The following SLC22A24 variants were observed in gnomAD, a reference collection of about 807,000 sequenced individuals.
SLC22A24 encodes the protein solute carrier family 22 member 24.
SLC22A24 carries 53 observed loss-of-function variants against 49.8 expected under a neutral mutation model. The observed-to-expected ratio is 1.06, with a 90% CI of 0.85 to 1.34. The LOEUF (loss-of-function observed/expected upper bound fraction) is 1.34. Among genes scored for constraint, SLC22A24 ranks in the 40% most tolerant of loss-of-function variants. SLC22A24 has a pLI of 0.00. For missense variants in SLC22A24, 786 were observed against 675.9 expected, an observed-to-expected ratio of 1.16 and a Z score of -1.81; for synonymous variants, 302 against 256.4, an observed-to-expected ratio of 1.18 and a Z score of -1.70.
intron 4 of SLC22A24, among the ~76,000 whole-genome samples, chr11:63,112,794 A>C (rs1447421516): frequency 6.6e-6 from 1 of 151,556 alleles, no homozygotes; most frequent in Non-Finnish European, 1.5e-5. Context: ...CAGGTGGATC[A>C]CGAGGTCAGG....
At chr11:63,099,625 AG>A (rs369468570) in intron 5 of SLC22A24, among the ~76,000 whole-genome samples, 247 of 152,192 alleles carry the variant, frequency 1.6e-3, no homozygotes, top group African/African-American at 5.3e-3. Context: ...CAGATAAAAA[AG>A]AAAACTACAG....
At chr11:63,125,962 A>G (rs1169464684) in intron 2 of SLC22A24, among the ~76,000 whole-genome samples, 2 of 152,160 alleles carry the variant, frequency 1.3e-5, no homozygotes, top group African/African-American at 4.8e-5. Context: ...TCTTCTTTTG[A>G]GAAGTGTCTG....
In SLC22A24 at chr11:63,098,783, T is replaced by A. The variant is rs531538084; in HGVS notation, c.955-2677A>T. On this transcript the variant is annotated intron_variant, in intron 5 of 9. Coordinates refer to ENST00000612278, the MANE Select transcript of SLC22A24 (RefSeq NM_001136506.2). ...CCCAAAATAGTAGAAGTAACAAAGATCAGAGGAGAAAGAAATGAAATTGAG... is the reference window on the plus strand; with the variant it reads ...CCCAAAATAGTAGAAGTAACAAAGAACAGAGGAGAAAGAAATGAAATTGAG... 5.3e-5 allele frequency among the ~76,000 whole-genome samples: 8 copies of A among 151,230 alleles called. No homozygotes were observed. In the East Asian group the frequency reaches 1.6e-3, roughly 29 times the overall value.
At chr11:63,138,871 C>T (rs985750077) in intron 1 of SLC22A24, among the ~76,000 whole-genome samples, 4 of 151,894 alleles carry the variant, frequency 2.6e-5, no homozygotes, top group African/African-American at 9.7e-5. Flanking sequence ...TTTTGATTTC[C>T]TCTGTTGAAT....
intron 5 of SLC22A24, 85 bp from the exon 6 acceptor site, chr11:63,096,191 A>T (rs1590732216): frequency 3.5e-6 from 3 of 847,580 alleles, no homozygotes; most frequent in Non-Finnish European, 5.7e-6. Flanking sequence ...AACAAGATAG[A>T]CATATTGTAA....
chr11:63,135,958 C>T (rs1020161050), intron 1 of SLC22A24, among the ~76,000 whole-genome samples: 8 of 152,222 alleles, frequency 5.3e-5, no homozygotes, highest in East Asian at 1.9e-4. Context: ...CTTACAACTA[C>T]GCAAGAAGTT....
chr11:63,134,680 C>G lies in SLC22A24; in HGVS notation c.491G>C (p.Gly164Ala). Residue 164 changes from glycine to alanine, a missense_variant, in exon 2 of 10, where the codon GGC (glycine) becomes GCC (alanine). By Grantham distance (60) the Gly-to-Ala change is moderately conservative. Transcript: ENST00000612278. Reference sequence around the variant, plus strand: ...TGACACTCACCTGTCTGAAAGATGGCCATATATTAGACCTCCCAGAAGTGA... The same window carrying G: ...TGACACTCACCTGTCTGAAAGATGGGCATATATTAGACCTCCCAGAAGTGA... ...AGSLLGGLIY[G>A]HLSDRVGRKI... 6.5e-7 allele frequency: 1 copy of G among 1,545,622 alleles called. No homozygotes were observed. Among genetic ancestry groups the G allele is most frequent in the African/African-American group, 1.4e-5 (1 of 73,092 alleles).
chr11:63,119,316 A>G lies in SLC22A24; in HGVS notation c.526T>C (p.Cys176Arg), dbSNP rs781734003. 1 of 1,546,814 alleles carries G rather than the reference A, an allele frequency of 6.5e-7. No homozygotes were observed. The highest frequency in any genetic ancestry group is 1.4e-5 in the African/African-American group (1 of 72,888). ...LSDRVGRKII[C>R]KLCFLQLAIS... ...GCCAGCTGGAGGAAACACAATTTGC[A>G]TATGATCTTCCGTCCAACCCTAAGA... The change falls in exon 3 of 10, where the codon TGC becomes CGC. Residue 176 changes from cysteine to arginine, a missense_variant. Transcript: ENST00000612278.
chr11:63,107,985 T>C (rs1448974486), intron 4 of SLC22A24, among the ~76,000 whole-genome samples: 1 of 152,114 alleles, frequency 6.6e-6, no homozygotes, highest in Non-Finnish European at 1.5e-5. Flanking sequence ...ATAGGAGTGG[T>C]GAGAGAGGGC....
At position 63,143,636 on chromosome 11, in the gene SLC22A24, G is replaced by A. The variant is rs892796146; in HGVS notation, c.144C>T (p.Arg48=). The A allele has an allele frequency of 1.3e-6, 2 of 1,597,058 alleles. No individual in the cohort carries two copies. Among genetic ancestry groups the A allele is most frequent in the Non-Finnish European group, 1.7e-6 (2 of 1,172,170 alleles). Residue 48 remains arginine (R), a synonymous_variant, in exon 1 of 10, where the codon CGC becomes CGT. Coordinates refer to ENST00000612278, the MANE Select transcript of SLC22A24 (RefSeq NM_001136506.2). ...CATTGTCCAGGAGGGGGACCCAGCA[G>A]CGATGACTAGGGGTGAATGCAGTGA... ...ENFTAFTPSH[R]CWVPLLDNDT...
chr11:63,125,703 C>T (rs2087285561), intron 2 of SLC22A24, among the ~76,000 whole-genome samples: 1 of 152,148 alleles, frequency 6.6e-6, no homozygotes, highest in Non-Finnish European at 1.5e-5. Flanking sequence ...AATAATATTT[C>T]TGGTTCTAGA....
intron 2 of SLC22A24, among the ~76,000 whole-genome samples, chr11:63,122,514 C>T (rs1424045750): frequency 6.6e-6 from 1 of 152,158 alleles, no homozygotes; most frequent in African/African-American, 2.4e-5. Flanking sequence ...TGCATTTAAA[C>T]ATTTATTTAT....
chr11:63,115,320 A>T (rs2087204488), intron 4 of SLC22A24, among the ~76,000 whole-genome samples: 1 of 152,294 alleles, frequency 6.6e-6, no homozygotes, highest in African/African-American at 2.4e-5. Context: ...TCGATCTCAG[A>T]CTGCTGTGCT....
Position 63,083,243 on chromosome 11 carries a change from C to G in SLC22A24, c.1285G>C (p.Glu429Gln). ...FILVNTFLPQ[E>Q]MQILRVVLAT... The stretch of plus-strand genomic sequence containing the variant: ...TTCCTGAAACTCCTGTCTCTCTCAC[C>G]TTGGGGCAAAAAGGTGTTGACCAGA... Residue 429 changes from glutamate to glutamine, a missense_variant and splice_region_variant, in exon 7 of 10, where the codon GAA becomes CAA. Physicochemically the swap from Glu to Gln is conservative, Grantham distance 29 (BLOSUM62 2). Coordinates refer to ENST00000612278, the MANE Select transcript of SLC22A24 (RefSeq NM_001136506.2). 6.4e-7 allele frequency: 1 copy of G among 1,552,972 alleles called. No individual in the cohort carries two copies. The highest frequency in any genetic ancestry group is 2.4e-5 in the East Asian group (1 of 41,324).
chr11:63,108,446 T>A (rs2087137371), intron 4 of SLC22A24, among the ~76,000 whole-genome samples: 1 of 152,334 alleles, frequency 6.6e-6, no homozygotes, highest in South Asian at 2.1e-4. Context: ...GCTGGCCACA[T>A]GAAATGAGTT....
At chr11:63,089,351 T>A (rs1390471714) in intron 6 of SLC22A24, among the ~76,000 whole-genome samples, 1 of 152,126 alleles carries the variant, frequency 6.6e-6, no homozygotes, top group Admixed American at 6.6e-5. Context: ...ACAAAACCCT[T>A]TCCAGACAAG....
At position 63,091,793 on chromosome 11, in the gene SLC22A24, C is replaced by T. The variant is rs551255108; in HGVS notation, c.1070+4198G>A. ...AGAGCTATTTTTGACAAATCCATAG[C>T]CAATATCATTCTAAATGGCAAAAAC... On this transcript the variant is annotated intron_variant, in intron 6 of 9. Transcript: ENST00000612278. Among the ~76,000 whole-genome samples, 202 of 152,068 alleles carry T rather than the reference C, an allele frequency of 1.3e-3. 1 individual carries two copies. In the Middle Eastern group the frequency reaches 0.02, roughly 15 times the overall value.
chr11:63,121,716 C>T (rs947030718), intron 2 of SLC22A24, among the ~76,000 whole-genome samples: 1 of 151,806 alleles, frequency 6.6e-6, no homozygotes, highest in Non-Finnish European at 1.5e-5. Context: ...TATACACGTG[C>T]CATGCTGGTG....
chr11:63,082,084 C>A lies in SLC22A24; in HGVS notation c.1286-418G>T, dbSNP rs181698316. Among the ~76,000 whole-genome samples, 331 of 152,180 alleles carry A rather than the reference C, an allele frequency of 2.2e-3. 1 individual carries two copies. The highest frequency in any genetic ancestry group is 4.9e-3 in the Admixed American group (75 of 15,288). ...TGTGCACCTCCAGTGGGGCATAGAACTATATATAGATAATAACTGAGGAGT... is the reference window on the plus strand; with the variant it reads ...TGTGCACCTCCAGTGGGGCATAGAAATATATATAGATAATAACTGAGGAGT... On this transcript the variant is annotated intron_variant, in intron 7 of 9. Transcript: ENST00000612278.
Sources: allele counts gnomAD v4.1 joint callset (sites outside exome capture counted in the v4.1 genomes callset), GRCh38; gene constraint gnomAD v4.1.1; transcripts MANE v1.5; gene names NCBI Gene and HGNC (gene_info 2026-07-23, HGNC 2026-07-21).